SPAG16: variants seen among roughly 807,000 people sequenced by gnomAD.
SPAG16 encodes the protein sperm associated antigen 16.
A neutral mutation model predicts 80.4 loss-of-function variants in SPAG16; 86 were observed. The observed-to-expected ratio is 1.07, with a 90% CI of 0.90 to 1.28. The LOEUF is 1.28. Ranked by LOEUF, SPAG16 falls within the 50% of genes most tolerant of loss-of-function variation. The probability of loss-of-function intolerance (pLI) is 0.00; values close to 1 mark genes in which losing one functional copy is unlikely to be tolerated. For missense variants in SPAG16, 870 were observed against 765.3 expected, an observed-to-expected ratio of 1.14 and a Z score of -1.61; for synonymous variants, 294 against 265.9, an observed-to-expected ratio of 1.11 and a Z score of -1.03.
intron 15 of SPAG16, among the ~76,000 whole-genome samples, chr2:214,385,882 C>T (rs1700721223): frequency 1.3e-5 from 2 of 151,674 alleles, no homozygotes; most frequent in Non-Finnish European, 2.9e-5. Context: ...AAACTCTAAA[C>T]TTATTTTTTG....
chr2:213,615,885 T>G (rs1292420728), intron 10 of SPAG16, among the ~76,000 whole-genome samples: 1 of 151,976 alleles, frequency 6.6e-6, no homozygotes, highest in Non-Finnish European at 1.5e-5. Context: ...ATGAAATTAG[T>G]CCATTTTGGG....
intron 12 of SPAG16, among the ~76,000 whole-genome samples, chr2:213,955,985 T>A (rs564206779): frequency 9.9e-5 from 15 of 151,792 alleles, no homozygotes; most frequent in South Asian, 6.2e-4. Flanking sequence ...TTATTTATTT[T>A]TTGAGATGGA....
intron 14 of SPAG16, among the ~76,000 whole-genome samples, chr2:214,139,514 C>T (rs2055239364): frequency 1.3e-5 from 2 of 151,924 alleles, no homozygotes; most frequent in African/African-American, 4.8e-5. Context: ...TCTACCTTTT[C>T]TATTCTGTAG....
chr2:213,816,372 G>C (rs1438161571), intron 10 of SPAG16, among the ~76,000 whole-genome samples: 1 of 152,004 alleles, frequency 6.6e-6, no homozygotes, highest in Non-Finnish European at 1.5e-5. Context: ...TTATAGCTAT[G>C]AACATTCTTG....
At chr2:213,375,342 C>T in intron 9 of SPAG16, 1 of 348,150 alleles carries the variant, frequency 2.9e-6, no homozygotes, top group Non-Finnish European at 5.3e-6. Context: ...CAGTGGATCA[C>T]TCTGCCACCT....
At chr2:214,382,180 A>G (rs988192795) in intron 15 of SPAG16, among the ~76,000 whole-genome samples, 3 of 152,258 alleles carry the variant, frequency 2.0e-5, no homozygotes, top group Non-Finnish European at 2.9e-5. Flanking sequence ...AATGATGCCA[A>G]TGACCAGAAA....
intron 9 of SPAG16, among the ~76,000 whole-genome samples, chr2:213,379,106 G>A (rs970249477): frequency 6.6e-5 from 10 of 152,106 alleles, no homozygotes; most frequent in East Asian, 3.9e-4. Context: ...TGATGGCAGC[G>A]TTCCTCCCTC....
intron 13 of SPAG16, among the ~76,000 whole-genome samples, chr2:214,040,443 C>G (rs1043450354): frequency 2.0e-5 from 3 of 152,162 alleles, no homozygotes; most frequent in African/African-American, 4.8e-5. Flanking sequence ...CACTCCCACC[C>G]TTTACCCTCC....
chr2:213,984,504 A>G (rs958555885), intron 12 of SPAG16, among the ~76,000 whole-genome samples: 1 of 152,004 alleles, frequency 6.6e-6, no homozygotes, highest in South Asian at 2.1e-4. Context: ...AAACAATTCC[A>G]CGCATGGTCC....
intron 11 of SPAG16, among the ~76,000 whole-genome samples, chr2:213,870,905 C>T (rs2075918900): frequency 6.6e-6 from 1 of 152,038 alleles, no homozygotes. Flanking sequence ...ATCCCTGGGA[C>T]ACAGAAGGTA....
intron 10 of SPAG16, among the ~76,000 whole-genome samples, chr2:213,680,575 G>A (rs185539225): frequency 6.6e-5 from 10 of 152,200 alleles, no homozygotes; most frequent in South Asian, 6.2e-4. Context: ...TCTCTCATTC[G>A]TGGATGATAT....
At chr2:214,382,295 A>T (rs1700494401) in intron 15 of SPAG16, among the ~76,000 whole-genome samples, 1 of 152,260 alleles carries the variant, frequency 6.6e-6, no homozygotes, top group Non-Finnish European at 1.5e-5. Flanking sequence ...AGCATAATTC[A>T]TCCCTGCATA....
chr2:213,936,452 G>A (rs2078991860), intron 12 of SPAG16, among the ~76,000 whole-genome samples: 1 of 152,200 alleles, frequency 6.6e-6, no homozygotes, highest in South Asian at 2.1e-4. Context: ...GGTGGCAGAG[G>A]TGGGGTGAAA....
chr2:213,327,627 A>G lies in SPAG16; in HGVS notation c.536+10271A>G, dbSNP rs371726461. On this transcript the variant is annotated intron_variant, in intron 5 of 15. Transcript: ENST00000331683. ...TTTCACATAAGATAAAAATAAGCTC[A>G]TTTATGTAATTCAAGTGACTGAAAT... Among the ~76,000 whole-genome samples the G allele has an allele frequency of 9.2e-5, 14 of 152,282 alleles. No individual in the cohort carries two copies. The South Asian group carries it at 2.5e-3, about 27-fold the overall frequency.
At chr2:213,734,455 C>T (rs1050840438) in intron 10 of SPAG16, among the ~76,000 whole-genome samples, 4 of 152,026 alleles carry the variant, frequency 2.6e-5, no homozygotes, top group African/African-American at 9.7e-5. Flanking sequence ...TTCCTTCTTC[C>T]AAAATAAGAT....
At chr2:213,776,174 T>G (rs1384084771) in intron 10 of SPAG16, among the ~76,000 whole-genome samples, 3 of 152,210 alleles carry the variant, frequency 2.0e-5, no homozygotes, top group African/African-American at 7.2e-5. Flanking sequence ...AGTGATTAAG[T>G]TAGAGCCCTG....
intron 10 of SPAG16, among the ~76,000 whole-genome samples, chr2:213,819,275 A>G (rs1481387870): frequency 6.6e-6 from 1 of 152,186 alleles, no homozygotes; most frequent in East Asian, 1.9e-4. Context: ...ATGATATTCA[A>G]GCTATTTTAT....
intron 15 of SPAG16, among the ~76,000 whole-genome samples, chr2:214,186,500 G>A (rs2057480690): frequency 6.6e-6 from 1 of 152,042 alleles, no homozygotes; most frequent in Non-Finnish European, 1.5e-5. Context: ...TACGTCCAGA[G>A]AATTAGAAGA....
chr2:213,452,730 C>T (rs769450926), intron 9 of SPAG16, among the ~76,000 whole-genome samples: 2 of 152,174 alleles, frequency 1.3e-5, no homozygotes, highest in African/African-American at 2.4e-5. Context: ...TGCAACAAAC[C>T]CCCTTGTCTC....
Sources: allele counts gnomAD v4.1 joint callset (sites outside exome capture counted in the v4.1 genomes callset), GRCh38; gene constraint gnomAD v4.1.1; transcripts MANE v1.5; gene names NCBI Gene and HGNC (gene_info 2026-07-23, HGNC 2026-07-21).